The following SDCCAG8 variants were observed in gnomAD, a reference collection of about 807,000 sequenced individuals.
SDCCAG8 encodes the protein SHH signaling and ciliogenesis regulator SDCCAG8.
A neutral mutation model predicts 101.8 loss-of-function variants in SDCCAG8; 74 were observed. The ratio of observed to expected loss-of-function variants is 0.73; its 90% CI spans 0.60 to 0.88. SDCCAG8 has a LOEUF of 0.88. SDCCAG8 is among the 40% of genes least tolerant of loss of function. SDCCAG8 has a pLI of 0.00. For synonymous variants in SDCCAG8, 281 were observed against 292.9 expected (o/e 0.96, Z 0.41); for missense variants, 787 against 822.6 (o/e 0.96, Z 0.53).
intron 12 of SDCCAG8, among the ~76,000 whole-genome samples, chr1:243,357,017 A>G (rs1487743044): frequency 6.6e-6 from 1 of 151,732 alleles, no homozygotes; most frequent in African/African-American, 2.4e-5. Flanking sequence ...ATAATATATA[A>G]TAATAACTTT....
intron 4 of SDCCAG8, among the ~76,000 whole-genome samples, chr1:243,279,699 T>A (rs1034397727): frequency 1.3e-5 from 2 of 152,242 alleles, no homozygotes; most frequent in Admixed American, 1.3e-4. Context: ...ATATGATGGA[T>A]TACATTAACT....
At chr1:243,453,832 C>T (rs1057232676) in intron 16 of SDCCAG8, among the ~76,000 whole-genome samples, 3 of 152,258 alleles carry the variant, frequency 2.0e-5, no homozygotes, top group African/African-American at 7.2e-5. Flanking sequence ...TGTAGTATTC[C>T]TGTGATAATT....
chr1:243,309,206 G>A (rs2072469449), intron 8 of SDCCAG8, among the ~76,000 whole-genome samples: 1 of 152,142 alleles, frequency 6.6e-6, no homozygotes, highest in African/African-American at 2.4e-5. Flanking sequence ...TTTTGAAACT[G>A]ACTGCTTGGG....
intron 13 of SDCCAG8, among the ~76,000 whole-genome samples, chr1:243,382,911 A>G (rs1441948125): frequency 6.6e-6 from 1 of 152,150 alleles, no homozygotes; most frequent in Non-Finnish European, 1.5e-5. Context: ...TGACTAGAGG[A>G]TCTGTTAAGC....
rs191711904 is a variant in SDCCAG8 at position 243,361,942 on chromosome 1, C to T, written c.1474-16779C>T. 1.5e-4 allele frequency among the ~76,000 whole-genome samples: 23 copies of T among 152,218 alleles called. No homozygotes were observed. In the East Asian group the frequency reaches 4.2e-3, roughly 28 times the overall value. On this transcript the variant is annotated intron_variant, in intron 12 of 17. Transcript: ENST00000366541. ...TACTTGTCTTATTCTCTTTTGTATT[C>T]AGTGCCCCAGTGCCCTGATTGCAAT...
At position 243,393,385 on chromosome 1, in the gene SDCCAG8, A is replaced by C. The variant is rs59799739; in HGVS notation, c.1616+14522A>C. 1.0e-3 allele frequency among the ~76,000 whole-genome samples: 152 copies of C among 152,234 alleles called. 1 individual carries two copies. The highest frequency in any genetic ancestry group is 3.6e-3 in the African/African-American group (151 of 41,528). On this transcript the variant is annotated intron_variant, in intron 13 of 17. Transcript: ENST00000366541. The stretch of plus-strand genomic sequence containing the variant: ...GATAGGGCAGCTGGGAAGACTGACC[A>C]CAGAGAGGGAGTCTGCGGGGTAGCC...
chr1:243,296,633 T>C (rs920044914), intron 6 of SDCCAG8, among the ~76,000 whole-genome samples: 10 of 134,706 alleles, frequency 7.4e-5, no homozygotes, highest in African/African-American at 1.1e-4. Context: ...AGCTCCGCCT[T>C]CCGGGTTCAC....
At chr1:243,427,465 G>C (rs1382198092) in intron 16 of SDCCAG8, among the ~76,000 whole-genome samples, 1 of 152,138 alleles carries the variant, frequency 6.6e-6, no homozygotes, top group East Asian at 1.9e-4. Flanking sequence ...ATAGGTTTCT[G>C]TAGACTTGGA....
chr1:243,445,673 T>C (rs1283784391), intron 16 of SDCCAG8, among the ~76,000 whole-genome samples: 1 of 152,196 alleles, frequency 6.6e-6, no homozygotes, highest in Non-Finnish European at 1.5e-5. Context: ...ACATCTTTTA[T>C]TGCACCCAAT....
chr1:243,439,656 A>ACT, intron 16 of SDCCAG8, among the ~76,000 whole-genome samples: 1 of 151,510 alleles, frequency 6.6e-6, no homozygotes, highest in Non-Finnish European at 1.5e-5. Context: ...ACACACACAC[A>ACT]CACACACACA....
intron 10 of SDCCAG8, among the ~76,000 whole-genome samples, chr1:243,339,130 C>G (rs569359505): frequency 4.9e-4 from 74 of 151,492 alleles, no homozygotes; most frequent in African/African-American, 1.7e-3. Flanking sequence ...GAGCAGACAG[C>G]TAGTGGGCAG....
chr1:243,291,378 G>A (rs11807162), intron 5 of SDCCAG8, among the ~76,000 whole-genome samples: 29,793 of 152,072 alleles, frequency 0.2, 4,129 homozygotes, highest in African/African-American at 0.4. Flanking sequence ...GTGTTTAATA[G>A]TGTTTCACAT....
chr1:243,365,961 T>G (rs2076969240), intron 12 of SDCCAG8, among the ~76,000 whole-genome samples: 1 of 152,120 alleles, frequency 6.6e-6, no homozygotes, highest in African/African-American at 2.4e-5. Context: ...AAGGTAATAG[T>G]GTCAATTTTG....
chr1:243,336,583 C>T (rs1573391891), intron 10 of SDCCAG8, among the ~76,000 whole-genome samples: 1 of 152,114 alleles, frequency 6.6e-6, no homozygotes, highest in Non-Finnish European at 1.5e-5. Context: ...GGAAGCGCTA[C>T]ACACTTTTAA....
chr1:243,462,648 A>ATT (rs34808975), intron 16 of SDCCAG8, among the ~76,000 whole-genome samples: 5 of 151,920 alleles, frequency 3.3e-5, no homozygotes, highest in African/African-American at 9.7e-5. Flanking sequence ...TTTACATTGT[A>ATT]TTTTTTTCAC....
In SDCCAG8 at chr1:243,474,158, A is replaced by G. The variant is rs940807406; in HGVS notation, c.1986-14856A>G. Among the ~76,000 whole-genome samples, 7 of 152,210 alleles carry G rather than the reference A, an allele frequency of 4.6e-5. No homozygotes were observed. The highest frequency in any genetic ancestry group is 1.7e-4 in the African/African-American group (7 of 41,462). Reference sequence around the variant, plus strand: ...CAAATAAGGAATTAAAAGGTAAGAAAAGCAAATGCAATCACGCAGCACCTT... The same window carrying G: ...CAAATAAGGAATTAAAAGGTAAGAAGAGCAAATGCAATCACGCAGCACCTT... On this transcript the variant is annotated intron_variant, in intron 16 of 17. Coordinates refer to ENST00000366541, the MANE Select transcript of SDCCAG8 (RefSeq NM_006642.5). This position sits in a 1 kb window ranked among gnomAD's most constrained non-coding sequence, Gnocchi z 4.7.
chr1:243,427,650 A>AT (rs1204400710), intron 16 of SDCCAG8, among the ~76,000 whole-genome samples: 2 of 151,934 alleles, frequency 1.3e-5, no homozygotes, highest in Admixed American at 6.6e-5. Flanking sequence ...GACTCCTTGT[A>AT]TTTTTTTAAA....
At chr1:243,498,805 C>T (rs1003171254) in intron 17 of SDCCAG8, among the ~76,000 whole-genome samples, 24 of 152,202 alleles carry the variant, frequency 1.6e-4, no homozygotes, top group African/African-American at 5.3e-4. Flanking sequence ...GAGGGGCAGG[C>T]CCACTTCTCT....
chr1:243,286,590 A>G (rs2069640252), intron 5 of SDCCAG8, among the ~76,000 whole-genome samples, 193 bp downstream of exon 5: 1 of 152,176 alleles, frequency 6.6e-6, no homozygotes, highest in Non-Finnish European at 1.5e-5. Context: ...ATCTTGTGAT[A>G]TTTTGCTACA....
Sources: allele counts gnomAD v4.1 joint callset (sites outside exome capture counted in the v4.1 genomes callset), GRCh38; gene constraint gnomAD v4.1.1; non-coding constraint Gnocchi (gnomAD v3.1); transcripts MANE v1.5; gene names NCBI Gene and HGNC (gene_info 2026-07-23, HGNC 2026-07-21).